Variants in TSHR observed in about 807,000 individuals in gnomAD.
TSHR encodes thyrotropin receptor.
In TSHR, 51 loss-of-function variants were observed where a neutral mutation model predicts 64.1. The ratio of observed to expected loss-of-function variants is 0.80; its 90% confidence interval spans 0.64 to 1.01. The LOEUF (loss-of-function observed/expected upper bound fraction) is 1.01, where lower values mean the gene tolerates loss of function less well. Ranked by LOEUF, TSHR falls within the 50% of genes least tolerant of loss-of-function variation. The pLI is 0.00. For synonymous variants in TSHR, 361 were observed against 361.9 expected, an observed-to-expected ratio of 1.00 and a Z score of 0.03; for missense variants, 877 against 942.8, an observed-to-expected ratio of 0.93 and a Z score of 0.91.
At chr14:81,114,219 C>A (rs567984414) in intron 8 of TSHR, among the ~76,000 whole-genome samples, 1 of 151,812 alleles carries the variant, frequency 6.6e-6, no homozygotes, top group Non-Finnish European at 1.5e-5. Context: ...CAGCTCCCAG[C>A]GTCAGCGACG....
intron 3 of TSHR, among the ~76,000 whole-genome samples, chr14:81,077,512 G>A (rs887488659): frequency 1.3e-5 from 2 of 152,070 alleles, no homozygotes; most frequent in African/African-American, 4.8e-5. Flanking sequence ...TAATCCTCAC[G>A]ACAATTCTCT....
intron 8 of TSHR, among the ~76,000 whole-genome samples, chr14:81,136,130 C>T (rs185455498): frequency 1.2e-3 from 176 of 152,266 alleles, no homozygotes; most frequent in African/African-American, 4.1e-3. Context: ...TGGTAGGAAG[C>T]GTGGATGTTA....
chr14:81,058,916 G>A (rs1024831953), intron 1 of TSHR, among the ~76,000 whole-genome samples: 1 of 151,996 alleles, frequency 6.6e-6, no homozygotes, highest in African/African-American at 2.4e-5. Flanking sequence ...GTAGATAATA[G>A]AAAGAACATC....
chr14:80,976,061 G>A (rs1005751242), intron 1 of TSHR, among the ~76,000 whole-genome samples: 21 of 152,146 alleles, frequency 1.4e-4, no homozygotes, highest in Admixed American at 3.9e-4. Context: ...ACAGGCACCC[G>A]CAACCACGCC....
chr14:80,997,261 C>T (rs762077994), intron 1 of TSHR, among the ~76,000 whole-genome samples: 2 of 152,210 alleles, frequency 1.3e-5, no homozygotes, highest in African/African-American at 2.4e-5. Flanking sequence ...AATACCATAT[C>T]ACAGTTATAT....
At chr14:81,104,484 A>C (rs936446289) in intron 7 of TSHR, 15 of 984,944 alleles carry the variant, frequency 1.5e-5, no homozygotes, top group African/African-American at 1.8e-5. Flanking sequence ...ACGACATCAC[A>C]CTCCTCTCTC....
chr14:80,965,700 A>G (rs758054206), intron 1 of TSHR, among the ~76,000 whole-genome samples: 10 of 152,240 alleles, frequency 6.6e-5, no homozygotes, highest in Non-Finnish European at 1.3e-4. Flanking sequence ...ATTGAGTTTT[A>G]AAGTGTTCCA....
rs892849790 is a variant in TSHR at position 80,980,518 on chromosome 14, A to T, written c.170+24668A>T. On this transcript the variant is annotated intron_variant, in intron 1 of 9. Coordinates refer to ENST00000298171, the MANE Select transcript of TSHR (RefSeq NM_000369.5). ...TAAGAAATCTGCCACCAGCTCAGTT[A>T]TCCTTCTCTTGATGTTTTCATCTTT... is the stretch of plus-strand genomic sequence containing the variant. 2.6e-5 allele frequency among the ~76,000 whole-genome samples: 4 copies of T among 152,180 alleles called. No homozygotes were observed. The South Asian group carries it at 6.2e-4, about 24-fold the overall frequency.
intron 7 of TSHR, among the ~76,000 whole-genome samples, chr14:81,106,334 G>T (rs1232357511): frequency 6.6e-6 from 1 of 152,054 alleles, no homozygotes; most frequent in Non-Finnish European, 1.5e-5. Flanking sequence ...CACTCTTTAT[G>T]ATTTTTTCTT....
At position 81,039,882 on chromosome 14, in the gene TSHR, T is replaced by C. The variant is rs181986491; in HGVS notation, c.171-22266T>C. ...GATTAGAAAAATTAATATTAAAATG[T>C]CCATACTACTCCCAAAAGATCTACA... On this transcript the variant is annotated intron_variant, in intron 1 of 9. Transcript: ENST00000298171. Among the ~76,000 whole-genome samples, 15 of 152,032 alleles carry C rather than the reference T, an allele frequency of 9.9e-5. No homozygotes were observed. The East Asian group carries it at 2.7e-3, about 27-fold the overall frequency.
chr14:81,006,083 TA>T (rs1427395909), intron 1 of TSHR, among the ~76,000 whole-genome samples: 1 of 152,218 alleles, frequency 6.6e-6, no homozygotes, highest in East Asian at 1.9e-4. Flanking sequence ...TTACCTTGCT[TA>T]ACCTCTTTGG....
intron 1 of TSHR, among the ~76,000 whole-genome samples, chr14:81,007,349 C>T (rs1470074444): frequency 1.3e-5 from 2 of 152,216 alleles, no homozygotes; most frequent in African/African-American, 4.8e-5. Context: ...TCAGGTCTCC[C>T]TGAGCAACTC....
intron 1 of TSHR, among the ~76,000 whole-genome samples, chr14:80,976,864 C>T (rs1887905104): frequency 6.6e-6 from 1 of 152,204 alleles, no homozygotes; most frequent in Non-Finnish European, 1.5e-5. Flanking sequence ...TGCTTCTGCC[C>T]AATGGTTCCC....
At chr14:81,018,898 G>A (rs1883571210) in intron 1 of TSHR, among the ~76,000 whole-genome samples, 1 of 152,186 alleles carries the variant, frequency 6.6e-6, no homozygotes, top group South Asian at 2.1e-4. Flanking sequence ...GCCAAGATTA[G>A]ATGTGTCTTG....
intron 1 of TSHR, among the ~76,000 whole-genome samples, chr14:81,031,171 T>C (rs1196959730): frequency 6.6e-6 from 1 of 152,120 alleles, no homozygotes; most frequent in Non-Finnish European, 1.5e-5. Flanking sequence ...GAAGGGGAGA[T>C]GGAAAGCTGG....
intron 1 of TSHR, among the ~76,000 whole-genome samples, chr14:80,965,015 GT>G (rs1887225608): frequency 6.6e-6 from 1 of 152,248 alleles, no homozygotes. Context: ...TTTAAAGAAA[GT>G]GTCCAGGGGA....
At chr14:81,075,490 C>CT (rs375931450) in intron 3 of TSHR, among the ~76,000 whole-genome samples, 14 of 151,542 alleles carry the variant, frequency 9.2e-5, no homozygotes, top group South Asian at 2.1e-4. Context: ...ACCATGGCAT[C>CT]TTTTTTTTTC....
At chr14:80,984,282 A>G (rs577402245) in intron 1 of TSHR, among the ~76,000 whole-genome samples, 6 of 152,370 alleles carry the variant, frequency 3.9e-5, no homozygotes, top group Non-Finnish European at 8.8e-5. Flanking sequence ...TTCTACATTT[A>G]TAACTCTTAA....
chr14:81,018,717 A>C (rs562335500), intron 1 of TSHR, among the ~76,000 whole-genome samples: 1 of 152,350 alleles, frequency 6.6e-6, no homozygotes, highest in South Asian at 2.1e-4. Context: ...TGACCTCCTC[A>C]TAGTTCCTGA....
Sources: allele counts gnomAD v4.1 joint callset (sites outside exome capture counted in the v4.1 genomes callset), GRCh38; gene constraint gnomAD v4.1.1; transcripts MANE v1.5; gene names NCBI Gene and HGNC (gene_info 2026-07-23, HGNC 2026-07-21).